The following LPP variants were observed in gnomAD, a reference collection of about 807,000 sequenced individuals.
LPP encodes the protein lipoma-preferred partner.
A neutral mutation model predicts 60.4 loss-of-function variants in LPP; 38 were observed. The ratio of observed to expected loss-of-function variants is 0.63; its 90% confidence interval spans 0.49 to 0.83. The LOEUF is 0.83. Among genes scored for constraint, LPP ranks in the 40% least tolerant of loss-of-function variants. The pLI is 0.00. For missense variants in LPP, 902 were observed against 783.6 expected (o/e 1.15, Z -1.80); for synonymous variants, 328 against 290.8 (o/e 1.13, Z -1.30).
chr3:188,870,885 G>A (rs947344029), intron 10 of LPP, among the ~76,000 whole-genome samples: 2 of 152,178 alleles, frequency 1.3e-5, no homozygotes, highest in Non-Finnish European at 2.9e-5. Context: ...TCTTCCCAAA[G>A]AGGAAGAACC....
intron 2 of LPP, among the ~76,000 whole-genome samples, chr3:188,340,270 G>T (rs1762693487): frequency 6.6e-6 from 1 of 152,080 alleles, no homozygotes; most frequent in African/African-American, 2.4e-5. Flanking sequence ...AAAGGGAATG[G>T]TTTGAGACAT....
chr3:188,560,177 G>C (rs1830346124), intron 6 of LPP, among the ~76,000 whole-genome samples: 1 of 152,100 alleles, frequency 6.6e-6, no homozygotes, highest in Non-Finnish European at 1.5e-5. Context: ...CTAACACAGA[G>C]ACTGACAGGT....
At chr3:188,357,413 A>G (rs1767932704) in intron 3 of LPP, among the ~76,000 whole-genome samples, 1 of 152,136 alleles carries the variant, frequency 6.6e-6, no homozygotes, top group Admixed American at 6.6e-5. Flanking sequence ...TAGTTTTATG[A>G]ATGATGCTGA....
chr3:188,345,373 T>A (rs1764056944), intron 3 of LPP, among the ~76,000 whole-genome samples: 1 of 152,190 alleles, frequency 6.6e-6, no homozygotes, highest in East Asian at 1.9e-4. Flanking sequence ...CCCTTGCAGT[T>A]CTTCCTGTAA....
intron 2 of LPP, among the ~76,000 whole-genome samples, chr3:188,299,186 T>C (rs1356940878): frequency 1.3e-5 from 2 of 152,202 alleles, no homozygotes; most frequent in Non-Finnish European, 2.9e-5. Context: ...CTCCCTGGGC[T>C]TTTTTGTGTG....
At chr3:188,616,654 G>T (rs77901256) in intron 7 of LPP, among the ~76,000 whole-genome samples, 748 of 152,138 alleles carry the variant, frequency 4.9e-3, no homozygotes, top group Middle Eastern at 0.01. Flanking sequence ...AGGCTGCTAT[G>T]ATTTGGAGAT....
chr3:188,747,443 C>T (rs1254043192), intron 8 of LPP, among the ~76,000 whole-genome samples: 2 of 152,188 alleles, frequency 1.3e-5, no homozygotes, highest in East Asian at 3.8e-4. Flanking sequence ...AAGTAAGATT[C>T]TGAAGGGGCT....
In LPP at chr3:188,885,208, C is replaced by G. The variant is rs557951119; in HGVS notation, c.*10729C>G. 5 of 202,094 alleles carry G rather than the reference C, an allele frequency of 2.5e-5. No homozygotes were observed. Among genetic ancestry groups the G allele is most frequent in the Non-Finnish European group, 5.1e-5 (5 of 98,446 alleles). 12.5% of individuals were successfully genotyped at this position (202,094 alleles called of 1,614,324 possible). A position where few individuals can be genotyped will look rare whatever the true frequency, so the allele number is the denominator to read the frequency against. On this transcript the variant is annotated 3_prime_UTR_variant, in exon 12 of 12. Coordinates refer to ENST00000617246, the MANE Select transcript of LPP (RefSeq NM_001375462.1). ...ATATGTGAAGTGAGAGAAAAAATATCATTTCTTCTCATTAAATCTCCTGCA... is the reference window on the plus strand; with the variant it reads ...ATATGTGAAGTGAGAGAAAAAATATGATTTCTTCTCATTAAATCTCCTGCA...
intron 2 of LPP, among the ~76,000 whole-genome samples, chr3:188,290,391 T>C (rs1329889979): frequency 1.3e-5 from 2 of 152,182 alleles, no homozygotes; most frequent in Non-Finnish European, 2.9e-5. Flanking sequence ...TCACTTCTAG[T>C]GCTGTACTTT....
At chr3:188,823,000 G>A (rs1252775337) in intron 9 of LPP, among the ~76,000 whole-genome samples, 1 of 152,064 alleles carries the variant, frequency 6.6e-6, no homozygotes, top group Admixed American at 6.6e-5. Flanking sequence ...TGGGCTAGAT[G>A]ACATTTCTTT....
At chr3:188,582,572 C>G (rs1159310387) in intron 6 of LPP, among the ~76,000 whole-genome samples, 1 of 152,012 alleles carries the variant, frequency 6.6e-6, no homozygotes. Flanking sequence ...TTAAGAGAGC[C>G]TTTAACTACT....
At chr3:188,803,159 T>C (rs13071226) in intron 9 of LPP, among the ~76,000 whole-genome samples, 104,871 of 151,194 alleles carry the variant, frequency 0.69, 36,688 homozygotes, top group East Asian at 0.86. Flanking sequence ...AATCTTGTGC[T>C]TCAACCACAC....
intron 2 of LPP, among the ~76,000 whole-genome samples, chr3:188,250,809 TC>T: frequency 7.5e-6 from 1 of 133,186 alleles, no homozygotes; most frequent in Admixed American, 7.4e-5. Flanking sequence ...TCTTTCTTTC[TC>T]TTTCTTTCTT....
chr3:188,433,830 T>G (rs550392644), intron 4 of LPP, among the ~76,000 whole-genome samples: 10 of 152,062 alleles, frequency 6.6e-5, no homozygotes, highest in Non-Finnish European at 1.2e-4. Context: ...TTTTATTTCT[T>G]TGTTTTCCTT....
At chr3:188,540,543 G>A (rs536938000) in intron 6 of LPP, among the ~76,000 whole-genome samples, 43 of 152,242 alleles carry the variant, frequency 2.8e-4, no homozygotes, top group Non-Finnish European at 5.3e-4. Flanking sequence ...GATTTTGGGA[G>A]CACACTCCCC....
intron 3 of LPP, among the ~76,000 whole-genome samples, chr3:188,371,509 C>A (rs1201547166): frequency 1.5e-4 from 23 of 149,758 alleles, no homozygotes; most frequent in African/African-American, 5.2e-4. Context: ...CTATTCATCA[C>A]AGGGTTTCAG....
intron 7 of LPP, among the ~76,000 whole-genome samples, chr3:188,654,400 T>C (rs995284170): frequency 2.0e-5 from 3 of 152,150 alleles, no homozygotes; most frequent in Non-Finnish European, 4.4e-5. Flanking sequence ...GGAAATTGAA[T>C]CTGTGTTAAA....
At chr3:188,199,733 G>T (rs1730528935) in intron 1 of LPP, among the ~76,000 whole-genome samples, 1 of 151,008 alleles carries the variant, frequency 6.6e-6, no homozygotes, top group Non-Finnish European at 1.5e-5. Context: ...TTTTCTGTGA[G>T]ATGGGGTTTT....
At position 188,585,611 on chromosome 3, in the gene LPP, C is replaced by T. The variant is rs543246981; in HGVS notation, c.430-23550C>T. 7.9e-5 allele frequency among the ~76,000 whole-genome samples: 12 copies of T among 152,346 alleles called. No individual in the cohort carries two copies. The South Asian group carries it at 2.5e-3, about 32-fold the overall frequency. ...TAGTCCTAAAGCTTAGACATACATACTGCTTTCGCCCCTGGGCTACAAATA... is the reference window on the plus strand; with the variant it reads ...TAGTCCTAAAGCTTAGACATACATATTGCTTTCGCCCCTGGGCTACAAATA... On this transcript the variant is annotated intron_variant, in intron 6 of 11. Coordinates refer to ENST00000617246, the MANE Select transcript of LPP (RefSeq NM_001375462.1).
Sources: gnomAD v4.1 joint callset for allele counts (sites outside exome capture counted in the v4.1 genomes callset) on GRCh38, gnomAD v4.1.1 for gene constraint, MANE v1.5 for transcripts, NCBI Gene and HGNC (gene_info 2026-07-23, HGNC 2026-07-21) for gene names.